IRAG2: variants seen among roughly 807,000 people sequenced by gnomAD.
IRAG2 encodes inositol 1,4,5-triphosphate receptor associated 2.
In IRAG2, 45 loss-of-function variants were observed where a neutral mutation model predicts 69.9. That is an observed-to-expected ratio of 0.64 (90% CI 0.51 to 0.83). The LOEUF is 0.83. Among genes scored for constraint, IRAG2 ranks in the 40% least tolerant of loss-of-function variants. The pLI is 0.00. For synonymous variants in IRAG2, 193 were observed against 202.4 expected, an observed-to-expected ratio of 0.95 and a Z score of 0.40; for missense variants, 520 against 587.0, an observed-to-expected ratio of 0.89 and a Z score of 1.18.
rs760096833 is a variant in IRAG2, at chr12:25,102,218, C to A, written c.910C>A (p.Arg304Ser). The A allele has an allele frequency of 2.5e-6, 4 of 1,613,166 alleles. No homozygotes were observed. The highest frequency in any genetic ancestry group is 3.3e-5 in the Admixed American group (2 of 59,980). ...TTCAGATGACTGCCAAATTAAAAAA[C>A]GTTCAGCTTCTCTAAACTCCAAGGT... ...EDDDDCQIKKRSASLNSKPSS... is the reference protein window; with the variant it reads ...EDDDDCQIKKSSASLNSKPSS... Residue 304 changes from arginine (R) to serine (S), a missense_variant, in exon 17 of 22, where the codon CGT becomes AGT. Arg to Ser is a moderately radical substitution (Grantham distance 110). Transcript: ENST00000556887.
chr12:25,048,366 G>A (rs376778564), upstream of IRAG2, among the ~76,000 whole-genome samples: 8 of 151,854 alleles, frequency 5.3e-5, no homozygotes, highest in South Asian at 2.1e-4. Flanking sequence ...TCTCGATCTC[G>A]GCTCACTGCA....
chr12:25,063,520 C>A (rs186709189), intron 3 of IRAG2, among the ~76,000 whole-genome samples, 200 bp from the exon 4 acceptor site: 90 of 152,310 alleles, frequency 5.9e-4, no homozygotes, highest in African/African-American at 1.9e-3. Context: ...AAATAAGAAT[C>A]ATAAGTTACT....
intron 2 of IRAG2, among the ~76,000 whole-genome samples, chr12:25,011,056 A>G (rs1833519627): frequency 6.6e-6 from 1 of 152,250 alleles, no homozygotes; most frequent in African/African-American, 2.4e-5. Flanking sequence ...TACATATATC[A>G]TCAATATTTA....
intron 10 of IRAG2, among the ~76,000 whole-genome samples, chr12:25,087,044 T>C (rs1204014731): frequency 1.3e-5 from 2 of 151,872 alleles, no homozygotes; most frequent in African/African-American, 2.4e-5. Flanking sequence ...CACCCACACC[T>C]TACCTTTTCA....
intron 10 of IRAG2, chr12:25,030,384 C>G: frequency 8.5e-7 from 1 of 1,170,626 alleles, no homozygotes; most frequent in African/African-American, 1.6e-5. Flanking sequence ...CTAGCTCTCT[C>G]CAAATCTGAT....
rs1948880568 is a variant in IRAG2 at position 25,103,742 on chromosome 12, A to G, written c.934-95A>G. On this transcript the variant is annotated intron_variant, in intron 17 of 21. Transcript: ENST00000556887. ...CTGTTTAACTCAGCTGTGGTCAAGT[A>G]CACGGATATGCATGTACAAGGATAT... The G allele has an allele frequency of 4.6e-6, 4 of 872,802 alleles. No individual in the cohort carries two copies. In the South Asian group the frequency reaches 6.0e-5, roughly 13 times the overall value. 54.1% of individuals were successfully genotyped at this position (872,802 alleles called of 1,614,324 possible).
upstream of IRAG2, chr12:25,004,271 A>G (rs1944414190): frequency 3.8e-6 from 4 of 1,049,370 alleles, no homozygotes; most frequent in Non-Finnish European, 3.7e-6. Flanking sequence ...GAAAATACTG[A>G]CTTTTAAACA....
intron 2 of IRAG2, among the ~76,000 whole-genome samples, chr12:25,005,581 G>A (rs1944424752): frequency 6.6e-6 from 1 of 152,098 alleles, no homozygotes; most frequent in Admixed American, 6.6e-5. Context: ...ACAGTGACTT[G>A]AATGATTCTT....
chr12:25,079,719 A>G lies in IRAG2; in HGVS notation c.200A>G (p.Lys67Arg). The G allele has an allele frequency of 6.2e-7, 1 of 1,614,106 alleles. No homozygotes were observed. The highest frequency in any genetic ancestry group is 8.5e-7 in the Non-Finnish European group (1 of 1,179,950). The change falls in exon 9 of 22, where the codon AAA becomes AGA. Residue 67 changes from lysine (K) to arginine (R), a missense_variant. By Grantham distance (26) the Lys-to-Arg change is conservative (BLOSUM62 2). Transcript: ENST00000556887. Reference protein sequence around the residue: ...CDLDRNSLCKKEEDTRSASPT... With the variant: ...CDLDRNSLCKREEDTRSASPT... ...CTTGACAGAAACTCGCTCTGTAAGAAAGAGGAGGATACAAGATCAGCTTCT... is the reference window on the plus strand; with the variant it reads ...CTTGACAGAAACTCGCTCTGTAAGAGAGAGGAGGATACAAGATCAGCTTCT...
intron 7 of IRAG2, among the ~76,000 whole-genome samples, chr12:25,022,888 G>A (rs764603857): frequency 1.3e-5 from 2 of 152,244 alleles, no homozygotes; most frequent in Non-Finnish European, 2.9e-5. Flanking sequence ...TACTTTGGGA[G>A]GCTGAGGTGG....
chr12:24,999,584 T>C (rs1324570166), upstream of IRAG2, among the ~76,000 whole-genome samples: 3 of 152,214 alleles, frequency 2.0e-5, no homozygotes, highest in African/African-American at 7.2e-5. Flanking sequence ...TGAATCCAAG[T>C]GGAAATTCCT....
intron 16 of IRAG2, among the ~76,000 whole-genome samples, chr12:25,043,389 A>G (rs1167804787): frequency 1.3e-5 from 2 of 152,106 alleles, no homozygotes; most frequent in Non-Finnish European, 1.5e-5. Flanking sequence ...TATAGTGCTA[A>G]TGGGACCTGG....
chr12:25,054,902 G>A (rs1241558692), intron 1 of IRAG2, among the ~76,000 whole-genome samples: 1 of 152,160 alleles, frequency 6.6e-6, no homozygotes, highest in Non-Finnish European at 1.5e-5. Flanking sequence ...GCAAACAAAT[G>A]TCAATGACTG....
rs1430028086 is a variant in IRAG2 at position 25,107,042 on chromosome 12, C to T, written c.1248C>T (p.Val416=). Residue 416 remains valine, a synonymous_variant, in exon 21 of 22, where the codon GTC becomes GTT. Coordinates refer to ENST00000556887, the MANE Select transcript of IRAG2 (RefSeq NM_001366544.2). ...AAAATAATCCATCAAAGTGGGATGT[C>T]TCTTCAGTGTAAGTTATCTACTTGA... The part of the protein sequence containing the change: ...EKKNNPSKWD[V]SSVYDTIASW... The T allele has an allele frequency of 1.9e-6, 3 of 1,578,078 alleles. No individual in the cohort carries two copies. The Admixed American group carries it at 5.1e-5, about 27-fold the overall frequency.
intron 10 of IRAG2, 61 bp downstream of exon 10, chr12:25,083,554 C>A: frequency 1.0e-6 from 1 of 964,508 alleles, no homozygotes; most frequent in African/African-American, 1.6e-5. Context: ...AGAACTATCC[C>A]TCTAAAAAGT....
Position 25,077,249 on chromosome 12 carries a change from A to G in IRAG2, c.25-1995A>G, listed in dbSNP as rs1448502328. Among the ~76,000 whole-genome samples the G allele has an allele frequency of 5.9e-4, 62 of 105,298 alleles. 8 individuals carry two copies. The highest frequency in any genetic ancestry group is 1.0e-3 in the Non-Finnish European group (55 of 54,434). 69.1% of individuals were successfully genotyped at this position (105,298 alleles called of 152,430 possible). On this transcript the variant is annotated intron_variant, in intron 6 of 21. Coordinates refer to ENST00000556887, the MANE Select transcript of IRAG2 (RefSeq NM_001366544.2). Reference sequence around the variant, plus strand: ...TATATGATATATATATGAAATATATATATGATATATATATGAAATATATAT... The same window carrying G: ...TATATGATATATATATGAAATATATGTATGATATATATATGAAATATATAT...
At chr12:25,050,727 C>T (rs545403512), upstream of IRAG2, among the ~76,000 whole-genome samples, 9 of 152,222 alleles carry the variant, frequency 5.9e-5, no homozygotes, top group Admixed American at 2.0e-4. Flanking sequence ...TTGGAAACAA[C>T]CTGAATGTCC....
intron 1 of IRAG2, chr12:25,005,230 T>C (rs1294208351): frequency 8.4e-7 from 1 of 1,188,992 alleles, no homozygotes; most frequent in Non-Finnish European, 1.1e-6. Flanking sequence ...ACAAACTTTT[T>C]CTTCTAATAG....
At chr12:25,041,401 T>A (rs1468684820) in intron 16 of IRAG2, among the ~76,000 whole-genome samples, 1 of 152,202 alleles carries the variant, frequency 6.6e-6, no homozygotes, top group Non-Finnish European at 1.5e-5. Flanking sequence ...ATTTGTGTTT[T>A]GAAAGATCTG....
Sources: allele counts gnomAD v4.1 joint callset (sites outside exome capture counted in the v4.1 genomes callset), GRCh38; gene constraint gnomAD v4.1.1; transcripts MANE v1.5; gene names NCBI Gene and HGNC (gene_info 2026-07-23, HGNC 2026-07-21).